Variants in CHIT1 observed in about 807,000 individuals in gnomAD.
CHIT1 encodes chitotriosidase-1.
In CHIT1, 47 loss-of-function variants were observed where a neutral mutation model predicts 52.0. That is an observed-to-expected ratio of 0.90 (90% CI 0.71 to 1.15). The LOEUF (loss-of-function observed/expected upper bound fraction) is 1.15. Among genes scored for constraint, CHIT1 ranks in the 50% most tolerant of loss-of-function variants. The pLI, the probability that CHIT1 is intolerant of heterozygous loss-of-function variation, is 0.00. For synonymous variants in CHIT1, 242 were observed against 228.2 expected (o/e 1.06, Z -0.54); for missense variants, 569 against 583.0 (o/e 0.98, Z 0.25).
rs1229453254 is a variant in CHIT1 at position 203,217,107 on chromosome 1, G to A, written c.1183C>T (p.Pro395Ser). The A allele has an allele frequency of 1.2e-6, 2 of 1,609,286 alleles. No homozygotes were observed. Among genetic ancestry groups the A allele is most frequent in the South Asian group, 1.1e-5 (1 of 91,062 alleles). The change falls in exon 11 of 11, where the codon CCA (proline) becomes TCA (serine). Residue 395 changes from proline to serine, a missense_variant. Transcript: ENST00000367229. ...CCTGGTTTTGGAACTTCAAGCTCTG[G>A]GGTGCCTGAAGGCAAGTATGGAAGA... is the stretch of plus-strand genomic sequence containing the variant. ...LSLPYLPSGT[P>S]ELEVPKPGQP...
chr1:203,217,671 TG>T, intron 10 of CHIT1, 67 bp downstream of exon 10: 1 of 1,612,020 alleles, frequency 6.2e-7, no homozygotes, highest in South Asian at 1.1e-5. Context: ...TACAGTTCAT[TG>T]GATGCATGGA....
intron 8 of CHIT1, 65 bp downstream of exon 8, chr1:203,219,599 A>C: frequency 6.3e-7 from 1 of 1,575,106 alleles, no homozygotes; most frequent in Non-Finnish European, 8.7e-7. Flanking sequence ...GGGAGAAGGA[A>C]ACCTCTGTTC....
At chr1:203,223,389 C>T (rs1021273344) in intron 5 of CHIT1, 106 bp downstream of exon 5, 49 of 1,597,638 alleles carry the variant, frequency 3.1e-5, no homozygotes, top group African/African-American at 6.7e-5. Flanking sequence ...CATGCAGATA[C>T]GTGAAGCAGC....
rs754015184 is a variant in CHIT1, at chr1:203,219,673, G to A, written c.906C>T (p.Ala302=). 7 of 1,614,122 alleles carry A rather than the reference G, an allele frequency of 4.3e-6. No individual in the cohort carries two copies. The South Asian group carries it at 5.5e-5, about 13-fold the overall frequency. Residue 302 remains alanine, a synonymous_variant, in exon 8 of 11, where the codon GCC becomes GCT. Transcript: ENST00000367229. ...GPFTKEGGML[A]YYEVCSWKGA... is the part of the protein sequence containing the mutation. ...TTATGGGTTTTCCTACTTCATAGTA[G>A]GCCAGCATCCCTCCTTCCTTGGTGA...
intron 9 of CHIT1, 45 bp from the exon 10 acceptor site, chr1:203,217,910 C>G: frequency 1.9e-6 from 3 of 1,582,598 alleles, no homozygotes; most frequent in Non-Finnish European, 2.6e-6. Context: ...GGAAGCCTGA[C>G]CCGGCCACCC....
chr1:203,220,374 C>T (rs1656692280), intron 7 of CHIT1, among the ~76,000 whole-genome samples: 1 of 152,080 alleles, frequency 6.6e-6, no homozygotes, highest in Admixed American at 6.6e-5. Flanking sequence ...TTAGTTTTAC[C>T]CTGAGTACAA....
Position 203,225,752 on chromosome 1 carries a change from G to A in CHIT1, c.174C>T (p.Phe58=), listed in dbSNP as rs963060367. 8 of 1,614,104 alleles carry A rather than the reference G, an allele frequency of 5.0e-6. No individual in the cohort carries two copies. The highest frequency in any genetic ancestry group is 3.3e-5 in the Admixed American group (2 of 60,012). Residue 58 remains phenylalanine (F), a synonymous_variant, in exon 3 of 11, where the codon TTC becomes TTT. Coordinates refer to ENST00000367229, the MANE Select transcript of CHIT1 (RefSeq NM_003465.3). The part of the protein sequence containing the change: ...PSLCTHLIYA[F]AGMTNHQLST... ...TCAGCTGGTGGTTGGTCATGCCAGC[G>A]AAGGCGTAGATGAGGTGGGTGCAAA...
upstream of CHIT1, chr1:203,229,931 G>C: frequency 2.1e-6 from 1 of 470,858 alleles, no homozygotes; most frequent in Admixed American, 3.2e-5. Context: ...GGATGAGCAT[G>C]ACCCTGACTT....
In CHIT1 at chr1:203,223,226, T is replaced by C. The variant is rs754999693; in HGVS notation, c.514A>G (p.Thr172Ala). ...AGAAGAAGGCGTTCCTTCCCTGAGG[T>C]CTGGGCTTCCTGCTGGAAGGCATTG... is the stretch of plus-strand genomic sequence containing the variant. ...LANAFQQEAQ[T>A]SGKERLLLSA... is the part of the protein sequence containing the mutation. The change falls in exon 6 of 11, where the codon ACC becomes GCC. Residue 172 changes from threonine (T) to alanine (A), a missense_variant. By Grantham distance (58) the Thr-to-Ala change is moderately conservative. Coordinates refer to ENST00000367229, the MANE Select transcript of CHIT1 (RefSeq NM_003465.3). 9.3e-6 allele frequency: 15 copies of C among 1,614,194 alleles called. No homozygotes were observed. In the South Asian group the frequency reaches 1.5e-4, roughly 17 times the overall value.
Position 203,216,995 on chromosome 1 carries a change from C to G in CHIT1, c.1295G>C (p.Arg432Pro), listed in dbSNP as rs202003206. ...GKADGLYPNP[R>P]ERSSFYSCAA... ...ACAGCTGTAGAAGCTGGACCGTTCC[C>G]GAGGATTGGGATAGAGCCCATCAGC... Residue 432 changes from arginine (R) to proline (P), a missense_variant, in exon 11 of 11, where the codon CGG (arginine) becomes CCG (proline). Arg to Pro is a moderately radical substitution (Grantham distance 103). Coordinates refer to ENST00000367229, the MANE Select transcript of CHIT1 (RefSeq NM_003465.3). 2.5e-6 allele frequency: 4 copies of G among 1,614,172 alleles called. No homozygotes were observed. Among genetic ancestry groups the G allele is most frequent in the Non-Finnish European group, 3.4e-6 (4 of 1,180,000 alleles).
At position 203,223,690 on chromosome 1, in the gene CHIT1, G is replaced by A. The variant is rs367624313; in HGVS notation, c.315-30C>T. The A allele has an allele frequency of 3.1e-5, 50 of 1,612,796 alleles. 1 individual carries two copies. The highest frequency in any genetic ancestry group is 2.0e-4 in the African/African-American group (15 of 74,910). ...GAGGTGATGAAGGGGAGTAAGGGCC[G>A]GCCTTGGACCAGACAGGAGGCCACT... On this transcript the variant is annotated intron_variant, in intron 4 of 10. Coordinates refer to ENST00000367229, the MANE Select transcript of CHIT1 (RefSeq NM_003465.3).
chr1:203,222,988 A>T, intron 6 of CHIT1, 147 bp downstream of exon 6: 1 of 1,086,808 alleles, frequency 9.2e-7, no homozygotes, highest in East Asian at 2.4e-5. Context: ...AAAAGCAGGG[A>T]ATTTTCTGCT....
Position 203,222,307 on chromosome 1 carries a change from G to A in CHIT1, c.624C>T (p.Asn208=), listed in dbSNP as rs1399964747. 2 of 1,614,094 alleles carry A rather than the reference G, an allele frequency of 1.2e-6. No individual in the cohort carries two copies. Among genetic ancestry groups the A allele is most frequent in the Non-Finnish European group, 8.5e-7 (1 of 1,180,058 alleles). Residue 208 remains asparagine, a synonymous_variant, in exon 7 of 11, where the codon AAC becomes AAT. Coordinates refer to ENST00000367229, the MANE Select transcript of CHIT1 (RefSeq NM_003465.3). The part of the protein sequence containing the change: ...DKIAQNLDFV[N]LMAYDFHGSW... ...AGCCATGGAAGTCGTAGGCCATAAGGTTGACAAAATCCAGGTTCCTGCAGG... is the reference window on the plus strand; with the variant it reads ...AGCCATGGAAGTCGTAGGCCATAAGATTGACAAAATCCAGGTTCCTGCAGG...
rs183992555 is a variant in CHIT1, at chr1:203,228,937, A to C, written c.26-375T>G. ...AAACAAGCCTGTTTTGGGGCTAGAA[A>C]GAATCAATCTGGAAGGGCTGCATGG... On this transcript the variant is annotated intron_variant, in intron 1 of 10. Coordinates refer to ENST00000367229, the MANE Select transcript of CHIT1 (RefSeq NM_003465.3). Among the ~76,000 whole-genome samples, 146 of 152,352 alleles carry C rather than the reference A, an allele frequency of 9.6e-4. 2 individuals are homozygous for C. Among genetic ancestry groups the C allele is most frequent in the African/African-American group, 3.3e-3 (139 of 41,582 alleles).
chr1:203,222,081 G>A, intron 7 of CHIT1, 121 bp downstream of exon 7: 1 of 1,394,776 alleles, frequency 7.2e-7, no homozygotes, highest in Non-Finnish European at 9.9e-7. Flanking sequence ...AAACAAAAAA[G>A]CTTCTTGTTT....
chr1:203,223,154 C>T lies in CHIT1; in HGVS notation c.586G>A (p.Glu196Lys), dbSNP rs574974603. The T allele has an allele frequency of 3.9e-5, 63 of 1,614,190 alleles. No homozygotes were observed. The highest frequency in any genetic ancestry group is 5.3e-5 in the African/African-American group (4 of 75,064). ...ACTCACTGGGCGATTTTGTCCACCTCGTATCCAGCATCCACATAGGTCTGC... is the reference window on the plus strand; with the variant it reads ...ACTCACTGGGCGATTTTGTCCACCTTGTATCCAGCATCCACATAGGTCTGC... ...AGQTYVDAGY[E>K]VDKIAQNLDF... The change falls in exon 6 of 11, where the codon GAG becomes AAG. Residue 196 changes from glutamate to lysine, a missense_variant. Physicochemically the swap from Glu to Lys is moderately conservative, Grantham distance 56. Coordinates refer to ENST00000367229, the MANE Select transcript of CHIT1 (RefSeq NM_003465.3).
At chr1:203,219,617 C>T (rs756402224) in intron 8 of CHIT1, 47 bp downstream of exon 8, 3 of 1,597,670 alleles carry the variant, frequency 1.9e-6, no homozygotes, top group Middle Eastern at 3.3e-4. Context: ...TTCTCTCAGG[C>T]ACCCCCTGAC....
At chr1:203,222,125 C>T in intron 7 of CHIT1, 77 bp downstream of exon 7, 1 of 1,600,838 alleles carries the variant, frequency 6.2e-7, no homozygotes, top group Non-Finnish European at 8.5e-7. Flanking sequence ...CCATGAGGGC[C>T]TCGGGGCTCA....
chr1:203,216,862 A>G lies in CHIT1; in HGVS notation c.*27T>C. ...AGAGTGATCCTGGGCCCAGCCTCAA[A>G]GCTGGGACTGGAGGGGCTTTAGCGA... On this transcript the variant is annotated 3_prime_UTR_variant, in exon 11 of 11. Coordinates refer to ENST00000367229, the MANE Select transcript of CHIT1 (RefSeq NM_003465.3). The G allele has an allele frequency of 6.2e-7, 1 of 1,613,462 alleles. No individual in the cohort carries two copies. The highest frequency in any genetic ancestry group is 8.5e-7 in the Non-Finnish European group (1 of 1,179,964).
Sources: gnomAD v4.1 joint callset for allele counts (sites outside exome capture counted in the v4.1 genomes callset) on GRCh38, gnomAD v4.1.1 for gene constraint, MANE v1.5 for transcripts, NCBI Gene and HGNC (gene_info 2026-07-23, HGNC 2026-07-21) for gene names.